ZBTB7C: variants seen among roughly 807,000 people sequenced by gnomAD.
ZBTB7C encodes the protein zinc finger and BTB domain-containing protein 7C.
ZBTB7C carries 8 observed loss-of-function variants against 25.7 expected under a neutral mutation model. That is an observed-to-expected ratio of 0.31 (90% CI 0.18 to 0.56). ZBTB7C has a LOEUF of 0.56. ZBTB7C is among the 20% of genes least tolerant of loss of function. The pLI, the probability that ZBTB7C is intolerant of heterozygous loss-of-function variation, is 0.91. For synonymous variants in ZBTB7C, 394 were observed against 369.0 expected (o/e 1.07, Z -0.78); for missense variants, 824 against 855.2 (o/e 0.96, Z 0.46).
At chr18:48,297,689 C>T (rs2045434787) in intron 2 of ZBTB7C, among the ~76,000 whole-genome samples, 1 of 152,204 alleles carries the variant, frequency 6.6e-6, no homozygotes, top group Non-Finnish European at 1.5e-5. Flanking sequence ...ATGGCATTGT[C>T]CCCTTCAGTC....
chr18:48,295,520 C>T (rs1429541678), intron 2 of ZBTB7C, among the ~76,000 whole-genome samples: 2 of 152,126 alleles, frequency 1.3e-5, no homozygotes, highest in African/African-American at 2.4e-5. Context: ...GAACGCCTGG[C>T]CTTCTAGGAC....
chr18:48,211,803 A>G (rs951209011), intron 2 of ZBTB7C, among the ~76,000 whole-genome samples: 1 of 152,170 alleles, frequency 6.6e-6, no homozygotes, highest in Non-Finnish European at 1.5e-5. Context: ...AACTTAACAT[A>G]ATCTTACCAT....
intron 1 of ZBTB7C, among the ~76,000 whole-genome samples, chr18:48,370,302 G>GA (rs1031581218): frequency 6.6e-6 from 1 of 151,796 alleles, no homozygotes. Flanking sequence ...TATGCTGAGT[G>GA]AAAAAAAATC....
intron 2 of ZBTB7C, among the ~76,000 whole-genome samples, chr18:48,271,848 AT>A (rs1308538318): frequency 1.3e-5 from 2 of 152,192 alleles, no homozygotes; most frequent in Non-Finnish European, 2.9e-5. Flanking sequence ...TTAAAAACTA[AT>A]GACAAACATC....
intron 1 of ZBTB7C, among the ~76,000 whole-genome samples, chr18:48,366,537 C>T (rs550638369): frequency 8.5e-5 from 13 of 152,234 alleles, no homozygotes; most frequent in East Asian, 5.8e-4. Flanking sequence ...ATACATGGCA[C>T]GCAGTGGACT....
intron 2 of ZBTB7C, among the ~76,000 whole-genome samples, chr18:48,253,636 GAAGA>G (rs1222159675): frequency 2.0e-5 from 3 of 152,160 alleles, no homozygotes. Flanking sequence ...GCACCAGAGA[GAAGA>G]GAGAGAAAGA....
In ZBTB7C at chr18:48,173,508, C is replaced by T. The variant is rs568612741; in HGVS notation, c.-17+12426G>A. 1.0e-3 allele frequency among the ~76,000 whole-genome samples: 156 copies of T among 152,296 alleles called. 4 individuals are homozygous for T. The South Asian group carries it at 0.032, about 31-fold the overall frequency. On this transcript the variant is annotated intron_variant, in intron 3 of 4. Transcript: ENST00000590800. ...GCTTCTCCCACACACAGTCTCAGGG[C>T]CTATGATACGTCCCCCCTTCCCATC...
intron 1 of ZBTB7C, among the ~76,000 whole-genome samples, chr18:48,396,680 C>T (rs1367664176): frequency 6.6e-6 from 1 of 152,182 alleles, no homozygotes; most frequent in African/African-American, 2.4e-5. Flanking sequence ...ACAGCCTAAT[C>T]GTTACACAAG....
chr18:48,048,535 G>C (rs576997497), intron 3 of ZBTB7C, among the ~76,000 whole-genome samples: 1 of 152,302 alleles, frequency 6.6e-6, no homozygotes, highest in African/African-American at 2.4e-5. Context: ...TACCCTCCTT[G>C]AGCTGGGTTT....
At chr18:48,400,610 C>G (rs1390129033) in intron 1 of ZBTB7C, among the ~76,000 whole-genome samples, 2 of 152,326 alleles carry the variant, frequency 1.3e-5, no homozygotes, top group Non-Finnish European at 2.9e-5. Context: ...CCCCCGCAAC[C>G]TGTGTCCTGG....
At chr18:48,196,749 T>C (rs1482265021) in intron 2 of ZBTB7C, among the ~76,000 whole-genome samples, 3 of 152,118 alleles carry the variant, frequency 2.0e-5, no homozygotes, top group Non-Finnish European at 2.9e-5. Context: ...TTAACCCAAA[T>C]GCCATCAAAT....
intron 1 of ZBTB7C, among the ~76,000 whole-genome samples, chr18:48,386,307 A>G (rs1456336623): frequency 6.6e-6 from 1 of 152,252 alleles, no homozygotes; most frequent in African/African-American, 2.4e-5. Context: ...AATAACAGAC[A>G]GAGAAGAGCA....
chr18:48,084,314 C>T (rs1385717415), intron 3 of ZBTB7C, among the ~76,000 whole-genome samples: 3 of 152,220 alleles, frequency 2.0e-5, no homozygotes, highest in African/African-American at 7.2e-5. Flanking sequence ...GATATGCCAT[C>T]CCCTCCCCAC....
chr18:48,212,929 T>C (rs1000735380), intron 2 of ZBTB7C, among the ~76,000 whole-genome samples: 2 of 152,160 alleles, frequency 1.3e-5, no homozygotes, highest in Non-Finnish European at 2.9e-5. Context: ...ACCACTACTA[T>C]GTGTGGGGGC....
intron 3 of ZBTB7C, among the ~76,000 whole-genome samples, chr18:48,166,716 C>T (rs1224697860): frequency 1.3e-5 from 2 of 152,222 alleles, no homozygotes; most frequent in African/African-American, 4.8e-5. Context: ...CGTCCAGGGG[C>T]CTGGGCACTA....
At chr18:48,387,610 G>A (rs2047778758) in intron 1 of ZBTB7C, among the ~76,000 whole-genome samples, 1 of 152,162 alleles carries the variant, frequency 6.6e-6, no homozygotes, top group South Asian at 2.1e-4. Context: ...CTTTGAGACA[G>A]AGAAACTAAC....
chr18:48,111,132 C>T (rs1329272201), intron 3 of ZBTB7C, among the ~76,000 whole-genome samples: 1 of 152,118 alleles, frequency 6.6e-6, no homozygotes, highest in Non-Finnish European at 1.5e-5. Flanking sequence ...CCAATTTGTG[C>T]CCTGACCCGA....
chr18:48,407,739 C>A (rs1346243221), intron 1 of ZBTB7C, among the ~76,000 whole-genome samples: 1 of 152,176 alleles, frequency 6.6e-6, no homozygotes, highest in Non-Finnish European at 1.5e-5. Context: ...AAGCAAAGGG[C>A]ATGCTTTTTG....
chr18:48,093,318 G>A (rs2038490822), intron 3 of ZBTB7C, among the ~76,000 whole-genome samples: 1 of 152,184 alleles, frequency 6.6e-6, no homozygotes, highest in Non-Finnish European at 1.5e-5. Context: ...GCCAAGCCTA[G>A]CCAGAAGCCT....
Sources: allele counts gnomAD v4.1 joint callset (sites outside exome capture counted in the v4.1 genomes callset), GRCh38; gene constraint gnomAD v4.1.1; transcripts MANE v1.5; gene names NCBI Gene and HGNC (gene_info 2026-07-23, HGNC 2026-07-21).